WDR27: variants seen among roughly 807,000 people sequenced by gnomAD.
WDR27 encodes the protein WD repeat domain 27.
WDR27 carries 100 observed loss-of-function variants against 114.4 expected under a neutral mutation model. That is an observed-to-expected ratio of 0.87 (90% CI 0.74 to 1.03). WDR27 has a LOEUF of 1.03. WDR27 is among the 50% of genes least tolerant of loss of function. The pLI is 0.00. For synonymous variants in WDR27, 449 were observed against 423.1 expected, an observed-to-expected ratio of 1.06 and a Z score of -0.75; for missense variants, 1,129 against 1,092.9, an observed-to-expected ratio of 1.03 and a Z score of -0.47.
intron 25 of WDR27, chr6:169,559,897 T>A (rs1162024927): frequency 6.6e-6 from 1 of 152,228 alleles, no homozygotes; most frequent in African/African-American, 2.4e-5. Flanking sequence ...TGTTCAGGCA[T>A]TTTAACTTCT....
chr6:169,673,841 T>A (rs1278659011), intron 2 of WDR27, among the ~76,000 whole-genome samples: 1 of 152,198 alleles, frequency 6.6e-6, no homozygotes, highest in South Asian at 2.1e-4. Flanking sequence ...GAAATATGAA[T>A]GGATTTTAAG....
intron 25 of WDR27, among the ~76,000 whole-genome samples, chr6:169,502,223 C>A (rs926360857): frequency 1.3e-5 from 2 of 152,182 alleles, no homozygotes; most frequent in Non-Finnish European, 2.9e-5. Context: ...GCGGGACGAC[C>A]GCGGCCTCTG....
chr6:169,651,096 C>T (rs575583376), intron 14 of WDR27, among the ~76,000 whole-genome samples: 1 of 147,122 alleles, frequency 6.8e-6, no homozygotes, highest in Non-Finnish European at 1.5e-5. Flanking sequence ...TGGGGAGTGG[C>T]CAGGGGCACA....
intron 25 of WDR27, among the ~76,000 whole-genome samples, chr6:169,497,660 A>G (rs1790583615): frequency 6.6e-6 from 1 of 152,188 alleles, no homozygotes; most frequent in Admixed American, 6.5e-5. Flanking sequence ...GATGTTCAAC[A>G]TCACTAATCA....
chr6:169,603,287 GT>G (rs200117769), intron 22 of WDR27, among the ~76,000 whole-genome samples: 2,392 of 151,762 alleles, frequency 0.016, 92 homozygotes, highest in African/African-American at 0.055. Flanking sequence ...CTGAACTGTA[GT>G]GTACTACTGA....
At chr6:169,675,879 T>C (rs1221150570) in intron 2 of WDR27, among the ~76,000 whole-genome samples, 1 of 152,106 alleles carries the variant, frequency 6.6e-6, no homozygotes, top group Non-Finnish European at 1.5e-5. Context: ...TGGGAAGGAA[T>C]GAAGGAAAAC....
In WDR27 at chr6:169,457,307, A is replaced by C. The variant is rs1784402584; in HGVS notation, c.*285T>G. On this transcript the variant is annotated 3_prime_UTR_variant, in exon 26 of 26. Transcript: ENST00000448612. ...ACAAATACTATATTATGTTTTATTG[A>C]AAGATATTTTGTTTTAACTTTACCA... 6.5e-6 allele frequency: 2 copies of C among 308,734 alleles called. No homozygotes were observed. The highest frequency in any genetic ancestry group is 4.8e-5 in the Admixed American group (1 of 20,644). The allele number at this position is 308,734 out of a possible 1,614,324, so 19.1% of individuals were successfully genotyped here. A position where few individuals can be genotyped will look rare whatever the true frequency, so the allele number is the denominator to read the frequency against.
chr6:169,677,883 T>C (rs778380356), intron 2 of WDR27, among the ~76,000 whole-genome samples: 2 of 152,120 alleles, frequency 1.3e-5, no homozygotes, highest in Non-Finnish European at 2.9e-5. Flanking sequence ...GTGGTTTCCA[T>C]GTGGTATTAA....
chr6:169,474,811 T>C (rs1786910688), intron 25 of WDR27, among the ~76,000 whole-genome samples: 1 of 152,206 alleles, frequency 6.6e-6, no homozygotes, highest in Non-Finnish European at 1.5e-5. Flanking sequence ...ACCTAAATTA[T>C]TAGCAAATCT....
At chr6:169,545,840 T>A (rs528056907) in intron 25 of WDR27, among the ~76,000 whole-genome samples, 1 of 152,260 alleles carries the variant, frequency 6.6e-6, no homozygotes. Flanking sequence ...ACATATAAAT[T>A]TTATGATACA....
intron 25 of WDR27, among the ~76,000 whole-genome samples, chr6:169,563,690 CT>C (rs1800007451): frequency 6.6e-6 from 1 of 152,172 alleles, no homozygotes; most frequent in Admixed American, 6.5e-5. Context: ...AACAGATTTT[CT>C]TTCTTATTTT....
chr6:169,563,518 T>C (rs771907822), intron 25 of WDR27, among the ~76,000 whole-genome samples: 1 of 152,106 alleles, frequency 6.6e-6, no homozygotes, highest in Non-Finnish European at 1.5e-5. Context: ...AAAATTCAAG[T>C]GTACCTTAAA....
chr6:169,646,827 G>A (rs371778059), intron 16 of WDR27, among the ~76,000 whole-genome samples: 181 of 152,106 alleles, frequency 1.2e-3, no homozygotes, highest in African/African-American at 4.1e-3. Context: ...AACACTGAAG[G>A]AATGTTCAGT....
At chr6:169,426,727 C>T in the WDR27 span, 1 of 152,314 alleles carries the variant, frequency 6.6e-6, no homozygotes, top group Non-Finnish European at 1.5e-5. Context: ...TACTGGGTTC[C>T]ATTGGTGTCA....
chr6:169,456,755 C>T (rs1405679776), downstream of WDR27, among the ~76,000 whole-genome samples: 1 of 151,774 alleles, frequency 6.6e-6, no homozygotes, highest in African/African-American at 2.4e-5. This position sits in a 1 kb window ranked among gnomAD's most constrained non-coding sequence, Gnocchi z 4.0. Flanking sequence ...GCCACGGTCA[C>T]CACACAGAAC....
At chr6:169,495,268 G>A (rs1269790561) in intron 25 of WDR27, among the ~76,000 whole-genome samples, 3 of 152,070 alleles carry the variant, frequency 2.0e-5, no homozygotes, top group Admixed American at 6.5e-5. Flanking sequence ...TTCTTGTAGC[G>A]TTTCCTAATA....
chr6:169,605,878 T>C (rs961185662), intron 22 of WDR27, among the ~76,000 whole-genome samples: 9 of 152,144 alleles, frequency 5.9e-5, no homozygotes, highest in Admixed American at 1.3e-4. Flanking sequence ...TTGTAATAAA[T>C]AGTGCTTGAA....
At chr6:169,479,649 T>C (rs143769609) in intron 25 of WDR27, among the ~76,000 whole-genome samples, 36 of 152,358 alleles carry the variant, frequency 2.4e-4, no homozygotes, top group Admixed American at 5.9e-4. Flanking sequence ...GTATCTAAAA[T>C]GATATGTGCA....
In WDR27 at chr6:169,652,542, C is replaced by T. The variant is rs559847236; in HGVS notation, c.1403-534G>A. Among the ~76,000 whole-genome samples, 91 of 152,346 alleles carry T rather than the reference C, an allele frequency of 6.0e-4. 1 individual carries two copies. The South Asian group carries it at 0.016, about 27-fold the overall frequency. On this transcript the variant is annotated intron_variant, in intron 13 of 25. Transcript: ENST00000448612. The stretch of plus-strand genomic sequence containing the variant: ...GATTACAGGCGTGAGCCACTATGCC[C>T]GGCCTAGCCTATTTTACATTTTGCA...
Sources: gnomAD v4.1 joint callset for allele counts (sites outside exome capture counted in the v4.1 genomes callset) on GRCh38, gnomAD v4.1.1 for gene constraint, Gnocchi (gnomAD v3.1) non-coding constraint, MANE v1.5 for transcripts, NCBI Gene and HGNC (gene_info 2026-07-23, HGNC 2026-07-21) for gene names.